Variants in ACAT1 observed in about 807,000 individuals in gnomAD.
ACAT1 encodes acetyl-CoA acetyltransferase 1, also known as acetyl-CoA acetyltransferase, mitochondrial.
Under a neutral mutation model 47.3 loss-of-function variants are expected in ACAT1, and 28 were observed. That is an observed-to-expected ratio of 0.59 (90% CI 0.44 to 0.81). The LOEUF (loss-of-function observed/expected upper bound fraction) is 0.81, where lower values mean the gene tolerates loss of function less well. Among genes scored for constraint, ACAT1 ranks in the 30% least tolerant of loss-of-function variants. The probability of loss-of-function intolerance (pLI) is 0.00; values close to 1 mark genes in which losing one functional copy is unlikely to be tolerated. For synonymous variants in ACAT1, 181 were observed against 173.6 expected (o/e 1.04, Z -0.34); for missense variants, 469 against 524.3 (o/e 0.89, Z 1.03).
At chr11:108,138,685 C>G in intron 5 of ACAT1, 1 of 576,866 alleles carries the variant, frequency 1.7e-6, no homozygotes, top group South Asian at 1.9e-5. Context: ...GTGTGAGCCA[C>G]TGCACCCAGC....
intron 2 of ACAT1, among the ~76,000 whole-genome samples, chr11:108,133,110 G>C (rs549638722): frequency 6.6e-6 from 1 of 151,962 alleles, no homozygotes; most frequent in Non-Finnish European, 1.5e-5. Context: ...ACTTGAACCC[G>C]GGAGGCAGAG....
upstream of ACAT1, among the ~76,000 whole-genome samples, chr11:108,119,639 G>GTT (rs1367723060): frequency 2.2e-5 from 2 of 91,612 alleles, no homozygotes; most frequent in African/African-American, 3.7e-5. Flanking sequence ...AGAAATATCT[G>GTT]TTTCTCTCTC....
intron 11 of ACAT1, 110 bp downstream of exon 11, chr11:108,146,469 T>C (rs2077712158): frequency 7.6e-7 from 1 of 1,314,266 alleles, no homozygotes; most frequent in African/African-American, 1.5e-5. Flanking sequence ...TTCCTACCCA[T>C]CTTTCATAAG....
chr11:108,135,273 T>C (rs2077447902), intron 5 of ACAT1, 31 bp downstream of exon 5: 2 of 1,497,594 alleles, frequency 1.3e-6, no homozygotes, highest in Non-Finnish European at 1.9e-6. Context: ...CATTTATTAA[T>C]CAGAGTAATA....
At chr11:108,138,713 T>C in intron 5 of ACAT1, 185 bp from the exon 6 acceptor site, 1 of 699,938 alleles carries the variant, frequency 1.4e-6, no homozygotes, top group South Asian at 1.7e-5. Context: ...TTTCTCATTA[T>C]ATTATTTAAC....
At chr11:108,119,641 TTC>T (rs35756586), upstream of ACAT1, among the ~76,000 whole-genome samples, 129,872 of 149,266 alleles carry the variant, frequency 0.87, 56,816 homozygotes, top group East Asian at 0.99. Flanking sequence ...AAATATCTGT[TTC>T]TCTCTCTCTC....
At chr11:108,140,889 G>T (rs886713841) in intron 7 of ACAT1, among the ~76,000 whole-genome samples, 4 of 152,096 alleles carry the variant, frequency 2.6e-5, no homozygotes, top group African/African-American at 9.7e-5. Context: ...TGTGATCATA[G>T]AAGGGAGTTG....
intron 11 of ACAT1, among the ~76,000 whole-genome samples, chr11:108,146,671 T>C (rs2077716482): frequency 6.6e-6 from 1 of 152,220 alleles, no homozygotes; most frequent in African/African-American, 2.4e-5. Flanking sequence ...GATGAATTTA[T>C]AGTGGTGGGG....
At chr11:108,135,673 CA>C (rs201949710) in intron 5 of ACAT1, among the ~76,000 whole-genome samples, 1 of 151,968 alleles carries the variant, frequency 6.6e-6, no homozygotes, top group Admixed American at 6.6e-5. Context: ...ACTAAAAATA[CA>C]AAAATTAGCT....
At chr11:108,147,176 T>G (rs537326464) in intron 11 of ACAT1, 94 bp from the exon 12 acceptor site, 16 of 1,455,970 alleles carry the variant, frequency 1.1e-5, no homozygotes, top group Middle Eastern at 4.1e-4. Flanking sequence ...TAGTGGCTAG[T>G]AAGGTTTTCA....
intron 10 of ACAT1, 61 bp downstream of exon 10, chr11:108,144,108 G>T (rs932795350): frequency 6.3e-7 from 1 of 1,589,526 alleles, no homozygotes; most frequent in Non-Finnish European, 8.6e-7. Flanking sequence ...TTATACCAAG[G>T]TTGCAGTTTT....
At position 108,141,640 on chromosome 11, in the gene ACAT1, T is replaced by A. The variant is rs794727894; in HGVS notation, c.766T>A (p.Tyr256Asn). The change falls in exon 8 of 12, where the codon TAT becomes AAT. Residue 256 changes from tyrosine to asparagine, a missense_variant. Coordinates refer to ENST00000265838, the MANE Select transcript of ACAT1 (RefSeq NM_000019.4). ...TGTAGTGGTGAAAGAAGATGAAGAA[T>A]ATAAACGTGTTGATTTTAGCAAAGT... ...PDVVVKEDEE[Y>N]KRVDFSKVPK... is the part of the protein sequence containing the mutation. 2.6e-5 allele frequency: 42 copies of A among 1,613,374 alleles called. No homozygotes were observed. Among genetic ancestry groups the A allele is most frequent in the Non-Finnish European group, 3.4e-5 (40 of 1,179,816 alleles).
At chr11:108,131,314 A>T (rs2077352348) in intron 1 of ACAT1, among the ~76,000 whole-genome samples, 2 of 145,290 alleles carry the variant, frequency 1.4e-5, no homozygotes, top group Non-Finnish European at 3.0e-5. Context: ...CTTTAACTCA[A>T]AACTACATTT....
At chr11:108,119,994 A>ACT (rs2077121553), upstream of ACAT1, among the ~76,000 whole-genome samples, 2 of 152,072 alleles carry the variant, frequency 1.3e-5, no homozygotes, top group African/African-American at 4.8e-5. Flanking sequence ...GTGGGGGCGG[A>ACT]TTGCGTGAGC....
chr11:108,138,439 C>T (rs2077512577), intron 5 of ACAT1, among the ~76,000 whole-genome samples: 1 of 151,836 alleles, frequency 6.6e-6, no homozygotes, highest in Admixed American at 6.6e-5. Context: ...CTCTGCCCCC[C>T]AGGCTGGAGT....
chr11:108,125,586 A>T (rs1351825063), intron 1 of ACAT1, among the ~76,000 whole-genome samples: 1 of 152,226 alleles, frequency 6.6e-6, no homozygotes, highest in Non-Finnish European at 1.5e-5. Context: ...GGTAACTTTA[A>T]ATAGAGTAGT....
At chr11:108,135,973 C>T in intron 5 of ACAT1, 1 of 457,716 alleles carries the variant, frequency 2.2e-6, no homozygotes, top group Non-Finnish European at 3.9e-6. Flanking sequence ...CAAATCATTG[C>T]TTGAGCCCAG....
Position 108,121,985 on chromosome 11 carries a change from C to G in ACAT1, c.72+307C>G, listed in dbSNP as rs7110846. On this transcript the variant is annotated intron_variant, in intron 1 of 11. Coordinates refer to ENST00000265838, the MANE Select transcript of ACAT1 (RefSeq NM_000019.4). ...AGGACCGCCAGGATTGGCGCTGGCC[C>G]GGCCTGAGCGGTGGGATCGGGGAGA... 4.4e-3 allele frequency: 2,155 copies of G among 492,912 alleles called. 28 individuals are homozygous for G. The highest frequency in any genetic ancestry group is 0.031 in the African/African-American group (1,571 of 50,324). The allele number at this position is 492,912 out of a possible 1,614,324, so 30.5% of individuals were successfully genotyped here.
At chr11:108,139,105 CTA>C (rs1265870727) in intron 6 of ACAT1, 64 bp downstream of exon 6, 2 of 1,588,692 alleles carry the variant, frequency 1.3e-6, no homozygotes, top group African/African-American at 2.7e-5. Context: ...TTTTCTTACT[CTA>C]TGTACTTTAC....
Sources: gnomAD v4.1 joint callset for allele counts (sites outside exome capture counted in the v4.1 genomes callset) on GRCh38, gnomAD v4.1.1 for gene constraint, MANE v1.5 for transcripts, NCBI Gene and HGNC (gene_info 2026-07-23, HGNC 2026-07-21) for gene names.